The following MAP4 variants were observed in gnomAD, a reference collection of about 807,000 sequenced individuals.
MAP4 encodes microtubule-associated protein 4.
In MAP4, 76 loss-of-function variants were observed where a neutral mutation model predicts 170.2. The observed-to-expected ratio is 0.45, with a 90% CI of 0.37 to 0.54. MAP4 has a LOEUF of 0.54. Ranked by LOEUF, MAP4 falls within the 20% of genes least tolerant of loss-of-function variation. MAP4 has a pLI of 0.00. For missense variants in MAP4, 2,506 were observed against 2,748.0 expected (o/e 0.91, Z 1.97); for synonymous variants, 909 against 994.5 (o/e 0.91, Z 1.62).
At chr3:47,953,002 C>G (rs1484486680) in intron 3 of MAP4, among the ~76,000 whole-genome samples, 1 of 152,076 alleles carries the variant, frequency 6.6e-6, no homozygotes, top group Non-Finnish European at 1.5e-5. Context: ...TACTGTAGGT[C>G]ATTTTAGTGA....
At chr3:47,917,916 C>T (rs1163340169) in intron 6 of MAP4, among the ~76,000 whole-genome samples, 3 of 152,138 alleles carry the variant, frequency 2.0e-5, no homozygotes, top group African/African-American at 7.2e-5. Context: ...AGCATGATCT[C>T]GGCTCCCGGG....
At chr3:48,052,963 T>C (rs915146309) in intron 1 of MAP4, among the ~76,000 whole-genome samples, 3 of 152,232 alleles carry the variant, frequency 2.0e-5, no homozygotes, top group African/African-American at 4.8e-5. Context: ...CCATGTTAAG[T>C]TGAAAGGATA....
In MAP4 at chr3:47,959,901, T is replaced by C. The variant is rs973220951; in HGVS notation, c.292+17964A>G. ...TTTTTGAGATGAAGTCTTGTTCTGTTGCCCAGGCTGGAGTGCAGTGGTGCA... is the reference window on the plus strand; with the variant it reads ...TTTTTGAGATGAAGTCTTGTTCTGTCGCCCAGGCTGGAGTGCAGTGGTGCA... On this transcript the variant is annotated intron_variant, in intron 3 of 20. Coordinates refer to ENST00000683076, the MANE Select transcript of MAP4 (RefSeq NM_001385682.1). Among the ~76,000 whole-genome samples the C allele has an allele frequency of 1.1e-4, 16 of 152,190 alleles. No homozygotes were observed. In the East Asian group the frequency reaches 3.1e-3, roughly 29 times the overall value.
intron 10 of MAP4, among the ~76,000 whole-genome samples, chr3:47,886,483 A>G (rs1313352887): frequency 6.6e-6 from 1 of 152,062 alleles, no homozygotes; most frequent in Admixed American, 6.5e-5. Flanking sequence ...GTATTTTTCC[A>G]TAGAGATGGG....
intron 3 of MAP4, among the ~76,000 whole-genome samples, chr3:47,955,573 T>G (rs891715134): frequency 1.3e-5 from 2 of 151,930 alleles, no homozygotes; most frequent in East Asian, 1.9e-4. Context: ...TACAAAGTAG[T>G]TGATGCGAGA....
rs1559744482 is a variant in MAP4, at chr3:47,852,053, T to TGG, written c.*880_*881insCC. 1 of 152,482 alleles carries TGG rather than the reference T, an allele frequency of 6.6e-6. No homozygotes were observed. The highest frequency in any genetic ancestry group is 1.5e-5 in the Non-Finnish European group (1 of 68,258). 9.4% of individuals were successfully genotyped at this position (152,482 alleles called of 1,614,324 possible). A position where few individuals can be genotyped will look rare whatever the true frequency, so the allele number is the denominator to read the frequency against. ...ACGCTCCAAGGGCCCCTTGTGTGCC[T>TGG]GACCGGCTCACCAGCCACAGCCTCT... is the stretch of plus-strand genomic sequence containing the variant. On this transcript the variant is annotated 3_prime_UTR_variant, in exon 21 of 21. Transcript: ENST00000683076.
At chr3:47,934,515 T>C (rs2153899355) in intron 3 of MAP4, among the ~76,000 whole-genome samples, 1 of 152,314 alleles carries the variant, frequency 6.6e-6, no homozygotes, top group African/African-American at 2.4e-5. Context: ...TTACCTAGGC[T>C]GGTCTTGAAC....
chr3:48,017,125 C>T (rs1242991926), upstream of MAP4, among the ~76,000 whole-genome samples: 1 of 151,870 alleles, frequency 6.6e-6, no homozygotes, highest in Non-Finnish European at 1.5e-5. Flanking sequence ...AATCCCCTCA[C>T]TTTAATAGAT....
chr3:48,071,252 A>T (rs143202298), intron 1 of MAP4, among the ~76,000 whole-genome samples: 8 of 152,070 alleles, frequency 5.3e-5, no homozygotes, highest in Middle Eastern at 3.4e-3. Flanking sequence ...CTCAAGAAGA[A>T]ATCTGAGGGC....
chr3:47,853,222 A>C lies in MAP4; in HGVS notation c.6827T>G (p.Leu2276Arg). Residue 2276 changes from leucine to arginine, a missense_variant, in exon 20 of 21, where the codon CTG becomes CGG. Physicochemically the swap from Leu to Arg is moderately radical, Grantham distance 102 (BLOSUM62 -2). Transcript: ENST00000683076. ...SASGLNGHPT[L>R]SGGGDQREAQ... ...CTCCCTTTGGTCACCACCCCCTGAC[A>C]GGGTGGGGTGGCCATTGAGGCCACT... 1 of 1,579,888 alleles carries C rather than the reference A, an allele frequency of 6.3e-7. No homozygotes were observed. Among genetic ancestry groups the C allele is most frequent in the Non-Finnish European group, 8.6e-7 (1 of 1,161,886 alleles).
At position 47,916,404 on chromosome 3, in the gene MAP4, C is replaced by T. The variant is rs757508136; in HGVS notation, c.1423G>A (p.Val475Ile). The change falls in exon 7 of 21, where the codon GTC (valine) becomes ATC (isoleucine). Residue 475 changes from valine to isoleucine, a missense_variant. By Grantham distance (29) the Val-to-Ile change is conservative. Around this residue, in one of 3 missense-constraint regions of MAP4, gnomAD observed 2,008 missense variants for 2,206.0 expected, o/e 0.91. Coordinates refer to ENST00000683076, the MANE Select transcript of MAP4 (RefSeq NM_001385682.1). Reference sequence around the variant, plus strand: ...TCTGGGAGTTGAGCCATGTCCTTGACTGGGGCCACCTCTGCTTCTAAAGGT... The same window carrying T: ...TCTGGGAGTTGAGCCATGTCCTTGATTGGGGCCACCTCTGCTTCTAAAGGT... ...ALPLEAEVAPVKDMAQLPETE... is the reference protein window; with the variant it reads ...ALPLEAEVAPIKDMAQLPETE... The T allele has an allele frequency of 2.5e-6, 4 of 1,614,072 alleles. No individual in the cohort carries two copies. The African/African-American group carries it at 5.3e-5, about 22-fold the overall frequency.
chr3:47,913,896 AG>A (rs1363613084), intron 8 of MAP4, among the ~76,000 whole-genome samples: 2 of 152,362 alleles, frequency 1.3e-5, no homozygotes, highest in East Asian at 3.9e-4. Flanking sequence ...TATTAAAAAC[AG>A]GTAATCTTCA....
chr3:48,017,235 A>G (rs909158098), upstream of MAP4, among the ~76,000 whole-genome samples: 2 of 152,226 alleles, frequency 1.3e-5, no homozygotes, highest in African/African-American at 4.8e-5. Flanking sequence ...ACAGAAGCAG[A>G]GCGTGACAAA....
intron 17 of MAP4, among the ~76,000 whole-genome samples, chr3:47,861,629 G>C (rs978090260): frequency 6.6e-6 from 1 of 151,714 alleles, no homozygotes; most frequent in Non-Finnish European, 1.5e-5. Flanking sequence ...GGGATTACAG[G>C]TGTGAGCCAC....
intron 10 of MAP4, among the ~76,000 whole-genome samples, chr3:47,893,955 T>G (rs538667466): frequency 1.8e-4 from 27 of 152,222 alleles, no homozygotes; most frequent in Middle Eastern, 6.8e-3. Flanking sequence ...CCTTCTCTAT[T>G]CATACCACTC....
chr3:47,862,771 C>A (rs1306471214), intron 17 of MAP4, among the ~76,000 whole-genome samples: 1 of 151,974 alleles, frequency 6.6e-6, no homozygotes, highest in African/African-American at 2.4e-5. Context: ...GCCACCGCGC[C>A]CAGCTATATG....
At chr3:47,888,572 T>C (rs887875903) in intron 10 of MAP4, among the ~76,000 whole-genome samples, 3 of 151,680 alleles carry the variant, frequency 2.0e-5, no homozygotes, top group African/African-American at 7.3e-5. Context: ...TCCGAACACA[T>C]CTGAACATCA....
intron 17 of MAP4, among the ~76,000 whole-genome samples, chr3:47,863,785 T>G (rs2073233439): frequency 6.6e-6 from 1 of 151,926 alleles, no homozygotes; most frequent in Non-Finnish European, 1.5e-5. Context: ...CCTCCGCTGG[T>G]GTCCTCCTGG....
intron 2 of MAP4, among the ~76,000 whole-genome samples, chr3:47,988,193 CAAAA>C (rs769431827): frequency 1.4e-5 from 1 of 73,932 alleles, no homozygotes; most frequent in African/African-American, 5.2e-5. Context: ...GACTCCGTCT[CAAAA>C]AAAAAAAAAA....
Sources: gnomAD v4.1 joint callset for allele counts (sites outside exome capture counted in the v4.1 genomes callset) on GRCh38, gnomAD v4.1.1 for gene constraint, gnomAD v4.1.1 regional missense constraint, MANE v1.5 for transcripts, NCBI Gene and HGNC (gene_info 2026-07-23, HGNC 2026-07-21) for gene names.